The following AFAP1 variants were observed in gnomAD, a reference collection of about 807,000 sequenced individuals.
AFAP1 encodes the protein actin filament-associated protein 1.
Under a neutral mutation model 93.9 loss-of-function variants are expected in AFAP1, and 75 were observed. That is an observed-to-expected ratio of 0.80 (90% CI 0.66 to 0.97). The LOEUF is 0.97. AFAP1 is among the 50% of genes least tolerant of loss of function. The probability of loss-of-function intolerance (pLI) is 0.00; values close to 1 mark genes in which losing one functional copy is unlikely to be tolerated. For missense variants in AFAP1, 1,201 were observed against 1,050.8 expected (o/e 1.14, Z -1.98); for synonymous variants, 517 against 430.7 (o/e 1.20, Z -2.48).
Position 7,809,846 on chromosome 4 carries a change from C to G in AFAP1, c.905-83G>C, listed in dbSNP as rs138114765. On this transcript the variant is annotated intron_variant, in intron 8 of 17. Transcript: ENST00000420658. ...AAAAAACATACATCAAAACCCATTT[C>G]TTCTTTCCCTTGGCATTTTTTTCTT... The G allele has an allele frequency of 7.0e-4, 1,045 of 1,489,712 alleles. 8 individuals are homozygous for G. The African/African-American group carries it at 0.013, about 19-fold the overall frequency. The allele number at this position is 1,489,712 out of a possible 1,614,324, so 92.3% of individuals were successfully genotyped here.
chr4:7,833,860 T>A (rs1217923666), intron 6 of AFAP1, among the ~76,000 whole-genome samples: 1 of 152,046 alleles, frequency 6.6e-6, no homozygotes, highest in East Asian at 1.9e-4. Context: ...AGTGCTGGGA[T>A]TACAGGCACA....
intron 1 of AFAP1, among the ~76,000 whole-genome samples, chr4:7,930,209 A>G (rs754728761): frequency 6.6e-6 from 1 of 152,236 alleles, no homozygotes; most frequent in Middle Eastern, 3.2e-3. Context: ...CAAGAGACGC[A>G]CAGGGCACAC....
chr4:7,927,470 C>G (rs1179144291), intron 1 of AFAP1, among the ~76,000 whole-genome samples: 1 of 152,186 alleles, frequency 6.6e-6, no homozygotes, highest in Non-Finnish European at 1.5e-5. Context: ...CAGAACAATG[C>G]CCGGCACATG....
At chr4:7,899,410 C>T (rs1718989809) in intron 1 of AFAP1, among the ~76,000 whole-genome samples, 1 of 152,194 alleles carries the variant, frequency 6.6e-6, no homozygotes, top group Admixed American at 6.6e-5. Context: ...TCAGTCAGTG[C>T]TCAATAATAC....
At chr4:7,781,757 A>G in intron 12 of AFAP1, 130 bp from the exon 13 acceptor site, 1 of 1,225,198 alleles carries the variant, frequency 8.2e-7, no homozygotes, top group Non-Finnish European at 1.1e-6. Context: ...TCCTGCACAC[A>G]GACTGCAGTT....
intron 1 of AFAP1, among the ~76,000 whole-genome samples, chr4:7,875,887 A>G (rs191930953): frequency 8.3e-4 from 126 of 152,290 alleles, no homozygotes; most frequent in Non-Finnish European, 6.3e-4. Flanking sequence ...AAATTCATAG[A>G]GGCAGAAAGT....
Position 7,778,767 on chromosome 4 carries a change from C to T in AFAP1, c.1892G>A (p.Gly631Asp), listed in dbSNP as rs377092060. Residue 631 changes from glycine (G) to aspartate (D), a missense_variant, in exon 14 of 18, where the codon GGT (glycine) becomes GAT (aspartate). Coordinates refer to ENST00000420658, the MANE Select transcript of AFAP1 (RefSeq NM_001134647.2). ...ACATCCGATGGTATACTTACTCGAA[C>T]CCGTCCTTTTCACAACAGCCGCGGG... ...ADPAAVVKRT[G>D]SNAAQYKYGK... 1.2e-6 allele frequency: 2 copies of T among 1,613,916 alleles called. No homozygotes were observed. Among genetic ancestry groups the T allele is most frequent in the Non-Finnish European group, 1.7e-6 (2 of 1,179,782 alleles).
In AFAP1 at chr4:7,795,405, C is replaced by CTT. The variant is rs35550085; in HGVS notation, c.1267-1581_1267-1580dup. 1.1e-3 allele frequency among the ~76,000 whole-genome samples: 66 copies of CTT among 62,100 alleles called. 14 individuals are homozygous for CTT. The highest frequency in any genetic ancestry group is 1.4e-3 in the Non-Finnish European group (51 of 36,142). 40.7% of individuals were successfully genotyped at this position (62,100 alleles called of 152,430 possible). A position where few individuals can be genotyped will look rare whatever the true frequency, so the allele number is the denominator to read the frequency against. ...TCTTATGTCCTTCCTAAAACAAAAT[C>CTT]TTTTTTTTTTTTTTTTTTTTTTTTT... On this transcript the variant is annotated intron_variant, in intron 10 of 17. Transcript: ENST00000420658.
At chr4:7,848,040 T>C (rs534934767) in intron 4 of AFAP1, among the ~76,000 whole-genome samples, 1 of 145,404 alleles carries the variant, frequency 6.9e-6, no homozygotes, top group Non-Finnish European at 1.5e-5. Context: ...TGGATCGATG[T>C]ATGGATGGAT....
At chr4:7,818,957 G>T in intron 7 of AFAP1, 119 bp downstream of exon 7, 2 of 906,480 alleles carry the variant, frequency 2.2e-6, no homozygotes, top group Non-Finnish European at 3.2e-6. Context: ...AAGCACGACT[G>T]CACTTTTTCT....
At chr4:7,851,527 A>C (rs908959895) in intron 4 of AFAP1, among the ~76,000 whole-genome samples, 2 of 152,222 alleles carry the variant, frequency 1.3e-5, no homozygotes, top group Non-Finnish European at 2.9e-5. Context: ...CACATGATGT[A>C]AACAGACCTC....
chr4:7,759,268 A>G lies in AFAP1; in HGVS notation c.*4497T>C, dbSNP rs1037203906. The G allele has an allele frequency of 6.6e-6, 1 of 152,668 alleles. No homozygotes were observed. The highest frequency in any genetic ancestry group is 2.4e-5 in the African/African-American group (1 of 41,456). 9.5% of individuals were successfully genotyped at this position (152,668 alleles called of 1,614,324 possible). Reference sequence around the variant, plus strand: ...CCTTTTGAAAGTATCTTCCATGGCTACACTAAAAAGACCCGGTAACACTTG... The same window carrying G: ...CCTTTTGAAAGTATCTTCCATGGCTGCACTAAAAAGACCCGGTAACACTTG... On this transcript the variant is annotated 3_prime_UTR_variant, in exon 18 of 18. Transcript: ENST00000420658.
At chr4:7,885,188 CTTAA>C (rs1247363726) in intron 1 of AFAP1, among the ~76,000 whole-genome samples, 3 of 152,212 alleles carry the variant, frequency 2.0e-5, no homozygotes, top group Admixed American at 1.3e-4. Context: ...GTATAAAAAT[CTTAA>C]TTAACCTGGA....
At chr4:7,787,961 C>A (rs947409457) in intron 11 of AFAP1, among the ~76,000 whole-genome samples, 11 of 152,288 alleles carry the variant, frequency 7.2e-5, no homozygotes, top group Admixed American at 7.2e-4. Context: ...GGTGCTGCCC[C>A]CCAGGAGGCG....
intron 12 of AFAP1, 21 bp from the exon 13 acceptor site, chr4:7,781,648 T>C (rs1716786259): frequency 1.3e-6 from 2 of 1,550,100 alleles, no homozygotes; most frequent in Admixed American, 2.0e-5. Context: ...CATAGCTTTG[T>C]GGTTAGTGAC....
rs988453296 is a variant in AFAP1 at position 7,855,453 on chromosome 4, G to C, written c.334+13C>G. The C allele has an allele frequency of 1.3e-6, 2 of 1,572,240 alleles. No individual in the cohort carries two copies. Among genetic ancestry groups the C allele is most frequent in the Admixed American group, 1.7e-5 (1 of 57,618 alleles). ...CACAAAGGCAGCATGGCTGGGCAGG[G>C]CTGGCCACTCACTTGATGTGATGTA... is the stretch of plus-strand genomic sequence containing the variant. On this transcript the variant is annotated intron_variant, in intron 4 of 17. Coordinates refer to ENST00000420658, the MANE Select transcript of AFAP1 (RefSeq NM_001134647.2).
At chr4:7,792,722 G>C (rs984714216) in intron 11 of AFAP1, among the ~76,000 whole-genome samples, 8 of 152,170 alleles carry the variant, frequency 5.3e-5, no homozygotes, top group African/African-American at 1.9e-4. Flanking sequence ...ACGCTACGCA[G>C]AACAGGAAAA....
At chr4:7,844,578 C>G (rs78826806) in intron 4 of AFAP1, among the ~76,000 whole-genome samples, 23 of 152,336 alleles carry the variant, frequency 1.5e-4, no homozygotes, top group African/African-American at 5.5e-4. Context: ...TGTAAGCCCC[C>G]TGAAGAAAAG....
chr4:7,864,117 C>CCATTCCCAACTTACCATCACAACA (rs1716101109), intron 3 of AFAP1, among the ~76,000 whole-genome samples: 22 of 2,826 alleles, frequency 7.8e-3, no homozygotes, highest in Non-Finnish European at 9.6e-3. Context: ...CCATCACAAC[C>CCATTCCCAACTTACCATCACAACA]CATTCCCAAC....
Sources: gnomAD v4.1 joint callset for allele counts (sites outside exome capture counted in the v4.1 genomes callset) on GRCh38, gnomAD v4.1.1 for gene constraint, MANE v1.5 for transcripts, NCBI Gene and HGNC (gene_info 2026-07-23, HGNC 2026-07-21) for gene names.